Variants in MTUS1 observed in about 807,000 individuals in gnomAD.
MTUS1 encodes microtubule-associated tumor suppressor 1.
MTUS1 carries 109 observed loss-of-function variants against 120.8 expected under a neutral mutation model. The observed-to-expected ratio is 0.90, with a 90% CI of 0.77 to 1.06. MTUS1 has a LOEUF of 1.06. MTUS1 is among the 50% of genes least tolerant of loss of function. The pLI is 0.00. For missense variants in MTUS1, 2,210 were observed against 1,486.3 expected (o/e 1.49, Z -8.01); for synonymous variants, 737 against 550.5 (o/e 1.34, Z -4.74).
chr8:17,741,552 T>C (rs1256868331), intron 3 of MTUS1, among the ~76,000 whole-genome samples: 1 of 152,218 alleles, frequency 6.6e-6, no homozygotes, highest in African/African-American at 2.4e-5. Context: ...ATGCCCTGTC[T>C]TTTCACTAAG....
At chr8:17,747,234 T>TACC (rs2047830273) in intron 2 of MTUS1, among the ~76,000 whole-genome samples, 1 of 152,204 alleles carries the variant, frequency 6.6e-6, no homozygotes, top group South Asian at 2.1e-4. Flanking sequence ...CCACCACACC[T>TACC]ACCTAGAGTC....
chr8:17,781,950 C>A (rs416244), intron 1 of MTUS1, among the ~76,000 whole-genome samples: 40,668 of 152,114 alleles, frequency 0.27, 6,787 homozygotes, highest in East Asian at 0.51. Flanking sequence ...GCTAACACAG[C>A]AAGTCTCAGG....
rs1409297752 is a variant in MTUS1, at chr8:17,743,696, G to A, written c.2195C>T (p.Pro732Leu). The A allele has an allele frequency of 1.9e-6, 3 of 1,614,152 alleles. No homozygotes were observed. In the East Asian group the frequency reaches 6.7e-5, roughly 36 times the overall value. ...ACTGTTCCGCCTCAAACAGGAAACAGGGGGCCCCACTTTGGCTTTTGGAGC... is the reference window on the plus strand; with the variant it reads ...ACTGTTCCGCCTCAAACAGGAAACAAGGGGCCCCACTTTGGCTTTTGGAGC... ...IAAPKAKVGP[P>L]VSCLRRNSDN... The change falls in exon 3 of 15, where the codon CCT becomes CTT. Residue 732 changes from proline to leucine, a missense_variant. Pro to Leu is a moderately conservative substitution (Grantham distance 98). Coordinates refer to ENST00000693296, the MANE Select transcript of MTUS1 (RefSeq NM_001363059.2).
intron 1 of MTUS1, among the ~76,000 whole-genome samples, chr8:17,756,759 C>G (rs887464194): frequency 3.5e-5 from 5 of 142,932 alleles, no homozygotes; most frequent in African/African-American, 1.0e-4. Context: ...GAGTGCTGAT[C>G]CAACAGAGCT....
At chr8:17,701,596 G>A (rs1021764600) in intron 6 of MTUS1, among the ~76,000 whole-genome samples, 12 of 152,112 alleles carry the variant, frequency 7.9e-5, no homozygotes, top group African/African-American at 2.9e-4. Flanking sequence ...CGCCAAGGCT[G>A]GAGTGCAGTG....
chr8:17,765,135 G>A (rs2049374627), intron 1 of MTUS1, among the ~76,000 whole-genome samples: 1 of 152,072 alleles, frequency 6.6e-6, no homozygotes, highest in Non-Finnish European at 1.5e-5. Flanking sequence ...TCACAATAGG[G>A]TTCACACTCC....
rs199740873 is a variant in MTUS1 at position 17,655,936 on chromosome 8, G to A, written c.3035C>T (p.Thr1012Ile). The change falls in exon 9 of 15, where the codon ACC becomes ATC. Residue 1012 changes from threonine to isoleucine, a missense_variant. Transcript: ENST00000693296. ...ERENRLKEFY[T>I]REYEKLRDTY... ...GTCCCGAAGCTTTTCATACTCCCTG[G>A]TGTAAAACTCTTTAAGCCGATTCTC... The A allele has an allele frequency of 7.5e-4, 1,212 of 1,614,144 alleles. 3 individuals carry two copies. The highest frequency in any genetic ancestry group is 3.5e-4 in the Non-Finnish European group (417 of 1,180,028).
intron 1 of MTUS1, among the ~76,000 whole-genome samples, chr8:17,777,367 A>G (rs922449473): frequency 1.3e-5 from 2 of 151,710 alleles, no homozygotes; most frequent in Non-Finnish European, 2.9e-5. Flanking sequence ...TGAACCCAGG[A>G]GGCAGAGGCT....
chr8:17,730,637 A>C (rs2046509554), intron 3 of MTUS1, among the ~76,000 whole-genome samples: 1 of 152,212 alleles, frequency 6.6e-6, no homozygotes, highest in Admixed American at 6.5e-5. Context: ...CAGATATACC[A>C]CGGAATACTA....
chr8:17,696,162 CG>C (rs1276371615), intron 6 of MTUS1, among the ~76,000 whole-genome samples: 1 of 152,134 alleles, frequency 6.6e-6, no homozygotes, highest in Non-Finnish European at 1.5e-5. Flanking sequence ...ACCTCCTCCT[CG>C]CTGCCTCCCC....
chr8:17,661,495 T>C (rs996138105), intron 8 of MTUS1, among the ~76,000 whole-genome samples: 1 of 152,186 alleles, frequency 6.6e-6, no homozygotes, highest in African/African-American at 2.4e-5. Flanking sequence ...AATAGCAGAC[T>C]ACCCTGGCTG....
chr8:17,769,912 ACACACACACACACAC>A (rs1288686414), intron 1 of MTUS1, among the ~76,000 whole-genome samples: 2 of 103,688 alleles, frequency 1.9e-5, no homozygotes. Flanking sequence ...ACACACACAC[ACACACACACACACAC>A]GGGGGGGGTT....
rs529562070 is a variant in MTUS1, at chr8:17,754,610, G to T, written c.1198C>A (p.Pro400Thr). ...NHTSELILSS[P>T]PGQKVGSSFG... ...GACGAGCCCACCTTTTGTCCTGGCG[G>T]GCTACTTAGAATCAATTCTGAGGTA... The change falls in exon 2 of 15, where the codon CCG becomes ACG. Residue 400 changes from proline to threonine, a missense_variant. By Grantham distance (38) the Pro-to-Thr change is conservative. Transcript: ENST00000693296. The T allele has an allele frequency of 6.8e-6, 11 of 1,614,146 alleles. 1 individual carries two copies. In the South Asian group the frequency reaches 1.2e-4, roughly 18 times the overall value.
At chr8:17,789,935 T>A (rs1270001647) in intron 1 of MTUS1, among the ~76,000 whole-genome samples, 7 of 152,198 alleles carry the variant, frequency 4.6e-5, no homozygotes, top group Non-Finnish European at 7.3e-5. Context: ...TCTTCCCAGT[T>A]CTGACACTGG....
At chr8:17,660,265 C>G (rs1046043773) in intron 8 of MTUS1, among the ~76,000 whole-genome samples, 1 of 151,986 alleles carries the variant, frequency 6.6e-6, no homozygotes, top group South Asian at 2.1e-4. Flanking sequence ...CCCAGCTACT[C>G]GGGAGGCTGA....
At chr8:17,658,661 A>G (rs1038434916) in intron 8 of MTUS1, among the ~76,000 whole-genome samples, 1 of 152,216 alleles carries the variant, frequency 6.6e-6, no homozygotes, top group South Asian at 2.1e-4. Context: ...GGAATAACAT[A>G]TCAGGAGTTG....
At chr8:17,746,044 T>C (rs2047717898) in intron 2 of MTUS1, among the ~76,000 whole-genome samples, 1 of 152,224 alleles carries the variant, frequency 6.6e-6, no homozygotes, top group Non-Finnish European at 1.5e-5. Context: ...GCAGCCTTGC[T>C]TCCTGTACAG....
At chr8:17,791,236 C>T (rs574361288) in intron 1 of MTUS1, among the ~76,000 whole-genome samples, 2 of 152,280 alleles carry the variant, frequency 1.3e-5, no homozygotes, top group South Asian at 2.1e-4. Flanking sequence ...TCTGCCCAAC[C>T]GCAGGGCTGA....
intron 1 of MTUS1, among the ~76,000 whole-genome samples, chr8:17,777,941 G>T (rs2050583418): frequency 6.6e-6 from 1 of 152,108 alleles, no homozygotes; most frequent in Non-Finnish European, 1.5e-5. Context: ...TACAAAACTA[G>T]GAAAAATATT....
Sources: gnomAD v4.1 joint callset for allele counts (sites outside exome capture counted in the v4.1 genomes callset) on GRCh38, gnomAD v4.1.1 for gene constraint, MANE v1.5 for transcripts, NCBI Gene and HGNC (gene_info 2026-07-23, HGNC 2026-07-21) for gene names.